ZRANB3: variants seen among roughly 807,000 people sequenced by gnomAD.
ZRANB3 encodes the protein zinc finger RANBP2-type containing 3, also known as DNA annealing helicase and endonuclease ZRANB3.
In ZRANB3, 125 loss-of-function variants were observed where a neutral mutation model predicts 133.8. The ratio of observed to expected loss-of-function variants is 0.93; its 90% CI spans 0.81 to 1.08. ZRANB3 has a LOEUF of 1.08. Among genes scored for constraint, ZRANB3 ranks in the 50% least tolerant of loss-of-function variants. ZRANB3 has a pLI of 0.00. For synonymous variants in ZRANB3, 387 were observed against 432.7 expected (o/e 0.89, Z 1.31); for missense variants, 1,229 against 1,275.5 (o/e 0.96, Z 0.56).
chr2:135,447,939 A>T (rs1391673522), intron 2 of ZRANB3, among the ~76,000 whole-genome samples: 1 of 152,204 alleles, frequency 6.6e-6, no homozygotes, highest in Admixed American at 6.5e-5. Flanking sequence ...ACTGAAATGT[A>T]TTCGACTAGA....
intron 17 of ZRANB3, among the ~76,000 whole-genome samples, chr2:135,215,955 G>C (rs1694289851): frequency 1.3e-5 from 2 of 152,096 alleles, no homozygotes; most frequent in Admixed American, 6.6e-5. Flanking sequence ...CATCCTACGG[G>C]ACCAAATTGC....
chr2:135,224,154 G>A (rs2105059690), intron 15 of ZRANB3, among the ~76,000 whole-genome samples: 1 of 152,230 alleles, frequency 6.6e-6, no homozygotes, highest in African/African-American at 2.4e-5. Context: ...TACAGTTGAG[G>A]AAATTGATGC....
chr2:135,280,581 A>T (rs189557960), intron 8 of ZRANB3, among the ~76,000 whole-genome samples: 403 of 152,278 alleles, frequency 2.6e-3, no homozygotes, highest in South Asian at 7.0e-3. Flanking sequence ...ATAAATAAAT[A>T]AATTAAATAA....
chr2:135,230,431 TA>T, intron 13 of ZRANB3, 81 bp downstream of exon 13: 1 of 1,310,288 alleles, frequency 7.6e-7, no homozygotes, highest in Admixed American at 2.9e-5. Flanking sequence ...TAACCCTGGA[TA>T]ACAGCAGTCT....
intron 2 of ZRANB3, among the ~76,000 whole-genome samples, chr2:135,408,867 C>T (rs141128957): frequency 0.01 from 1,572 of 152,014 alleles, 24 homozygotes; most frequent in African/African-American, 0.036. Context: ...GGAGATATAT[C>T]TAATGTTAAA....
chr2:135,473,901 T>G (rs1383140780), intron 2 of ZRANB3, among the ~76,000 whole-genome samples: 1 of 152,098 alleles, frequency 6.6e-6, no homozygotes, highest in Admixed American at 6.6e-5. Context: ...AAAACTAATG[T>G]AGGACACACA....
At chr2:135,453,958 C>T (rs1690384255) in intron 2 of ZRANB3, among the ~76,000 whole-genome samples, 1 of 152,122 alleles carries the variant, frequency 6.6e-6, no homozygotes. Flanking sequence ...AAACTGGGAA[C>T]AAAAAGAGGT....
At chr2:135,234,182 CAA>C (rs1411466047) in intron 12 of ZRANB3, among the ~76,000 whole-genome samples, 1 of 152,070 alleles carries the variant, frequency 6.6e-6, no homozygotes, top group East Asian at 1.9e-4. Flanking sequence ...CAACAAAGAT[CAA>C]AAGAGACAAA....
intron 2 of ZRANB3, among the ~76,000 whole-genome samples, chr2:135,454,536 C>A (rs561633831): frequency 2.0e-5 from 3 of 152,102 alleles, no homozygotes; most frequent in South Asian, 4.1e-4. Flanking sequence ...CTACTATACA[C>A]CCAAATAGTG....
chr2:135,386,552 C>T (rs1360382789), intron 3 of ZRANB3, among the ~76,000 whole-genome samples: 1 of 152,102 alleles, frequency 6.6e-6, no homozygotes. Flanking sequence ...CATATGTTTA[C>T]TGGGGCACTA....
chr2:135,383,708 G>A (rs1195825666), intron 3 of ZRANB3, among the ~76,000 whole-genome samples: 1 of 152,070 alleles, frequency 6.6e-6, no homozygotes, highest in African/African-American at 2.4e-5. Flanking sequence ...AAAACCACAC[G>A]ACTACGTGGA....
intron 8 of ZRANB3, among the ~76,000 whole-genome samples, chr2:135,303,650 C>T (rs1394042942): frequency 1.3e-5 from 2 of 151,952 alleles, no homozygotes; most frequent in Admixed American, 6.6e-5. Flanking sequence ...CTTTGTATTG[C>T]CACATAAATT....
At chr2:135,227,656 G>C (rs1694804766) in intron 14 of ZRANB3, among the ~76,000 whole-genome samples, 156 bp downstream of exon 14, 1 of 152,134 alleles carries the variant, frequency 6.6e-6, no homozygotes, top group Non-Finnish European at 1.5e-5. Flanking sequence ...CTAGACATCT[G>C]GTGTTTAAGT....
intron 2 of ZRANB3, among the ~76,000 whole-genome samples, chr2:135,429,832 C>T (rs1689242483): frequency 6.6e-6 from 1 of 152,102 alleles, no homozygotes; most frequent in Non-Finnish European, 1.5e-5. Flanking sequence ...TCATGTAAAA[C>T]TCTGATAAAA....
At chr2:135,344,225 T>C (rs540444768) in intron 6 of ZRANB3, among the ~76,000 whole-genome samples, 1 of 152,316 alleles carries the variant, frequency 6.6e-6, no homozygotes, top group South Asian at 2.1e-4. Context: ...ATAAAGTTAC[T>C]TTTCTAAAAT....
At chr2:135,476,472 A>C (rs564552743) in intron 2 of ZRANB3, among the ~76,000 whole-genome samples, 230 of 152,306 alleles carry the variant, frequency 1.5e-3, no homozygotes, top group African/African-American at 5.0e-3. Flanking sequence ...TAATTATTAA[A>C]GTTGGGTGAT....
chr2:135,411,376 A>C (rs1215687516), intron 2 of ZRANB3, among the ~76,000 whole-genome samples: 3 of 152,196 alleles, frequency 2.0e-5, no homozygotes, highest in Admixed American at 2.0e-4. Flanking sequence ...CATAGAACTA[A>C]AAATAGAATT....
chr2:135,404,538 T>A (rs1210424441), intron 2 of ZRANB3, among the ~76,000 whole-genome samples: 6 of 152,172 alleles, frequency 3.9e-5, no homozygotes, highest in African/African-American at 1.4e-4. Context: ...CAGGATATTA[T>A]CCAGGAGAAC....
At chr2:135,483,500 TTCTC>T (rs1332706802) in intron 2 of ZRANB3, among the ~76,000 whole-genome samples, 2 of 152,106 alleles carry the variant, frequency 1.3e-5, no homozygotes, top group Admixed American at 6.5e-5. Flanking sequence ...TATTTGATTC[TTCTC>T]TCTTTTTTTA....
Sources: allele counts gnomAD v4.1 joint callset (sites outside exome capture counted in the v4.1 genomes callset), GRCh38; gene constraint gnomAD v4.1.1; transcripts MANE v1.5; gene names NCBI Gene and HGNC (gene_info 2026-07-23, HGNC 2026-07-21).